The following GRIK4 variants were observed in gnomAD, a reference collection of about 807,000 sequenced individuals.
GRIK4 encodes the protein glutamate ionotropic receptor kainate type subunit 4.
A neutral mutation model predicts 104.9 loss-of-function variants in GRIK4; 40 were observed. The observed-to-expected ratio is 0.38, with a 90% CI of 0.30 to 0.50. The LOEUF (loss-of-function observed/expected upper bound fraction) is 0.50, where lower values mean the gene tolerates loss of function less well. Among genes scored for constraint, GRIK4 ranks in the 20% least tolerant of loss-of-function variants. The probability of loss-of-function intolerance (pLI) is 0.93; values close to 1 mark genes in which losing one functional copy is unlikely to be tolerated. For synonymous variants in GRIK4, 485 were observed against 524.9 expected (o/e 0.92, Z 1.04); for missense variants, 1,047 against 1,308.1 (o/e 0.80, Z 3.08).
intron 13 of GRIK4, among the ~76,000 whole-genome samples, chr11:120,922,721 G>A (rs569605382): frequency 6.6e-6 from 1 of 152,310 alleles, no homozygotes; most frequent in South Asian, 2.1e-4. Context: ...GCCAGGCCTG[G>A]CTTAGTTGTG....
chr11:120,542,374 G>A (rs571455111), intron 1 of GRIK4, among the ~76,000 whole-genome samples: 111 of 152,254 alleles, frequency 7.3e-4, no homozygotes, highest in Non-Finnish European at 1.3e-3. Context: ...TAGGGAAAAT[G>A]GTCCTTCACA....
At chr11:120,715,626 G>A (rs1950816282) in intron 3 of GRIK4, among the ~76,000 whole-genome samples, 2 of 151,974 alleles carry the variant, frequency 1.3e-5, no homozygotes, top group South Asian at 4.2e-4. Context: ...CACCTTCCCA[G>A]TCAGGTATGG....
At chr11:120,701,926 G>C (rs1481692130) in intron 3 of GRIK4, among the ~76,000 whole-genome samples, 2 of 149,668 alleles carry the variant, frequency 1.3e-5, no homozygotes, top group Non-Finnish European at 3.0e-5. Context: ...ATGTGTAAGA[G>C]AGACAGATCA....
chr11:120,623,079 G>A (rs1949209780), intron 1 of GRIK4, among the ~76,000 whole-genome samples: 1 of 152,056 alleles, frequency 6.6e-6, no homozygotes, highest in African/African-American at 2.4e-5. Flanking sequence ...TATTCTTTTT[G>A]CATCTCAAAT....
chr11:120,857,839 C>T (rs1310565590), intron 8 of GRIK4, among the ~76,000 whole-genome samples: 4 of 152,210 alleles, frequency 2.6e-5, no homozygotes, highest in Non-Finnish European at 5.9e-5. Flanking sequence ...CATATCTTTG[C>T]TTCCTGGAAA....
chr11:120,814,970 C>G (rs1394413949), intron 4 of GRIK4, among the ~76,000 whole-genome samples: 1 of 152,212 alleles, frequency 6.6e-6, no homozygotes, highest in Non-Finnish European at 1.5e-5. Context: ...CCCAGACTCT[C>G]TTTATATTTG....
intron 3 of GRIK4, among the ~76,000 whole-genome samples, chr11:120,682,621 C>T (rs1950214486): frequency 6.6e-6 from 1 of 150,710 alleles, no homozygotes. Context: ...ATCTGGCCAA[C>T]TCCTATTTAT....
chr11:120,647,652 G>A (rs1032886217), intron 1 of GRIK4, among the ~76,000 whole-genome samples: 2 of 152,268 alleles, frequency 1.3e-5, no homozygotes, highest in African/African-American at 4.8e-5. Flanking sequence ...GGGGCTCAGT[G>A]TGTGGCCCAC....
chr11:120,612,795 G>A (rs1949053717), intron 1 of GRIK4, among the ~76,000 whole-genome samples: 1 of 152,196 alleles, frequency 6.6e-6, no homozygotes, highest in Non-Finnish European at 1.5e-5. Flanking sequence ...TGTGACAGGA[G>A]AGTGCTCCCT....
intron 3 of GRIK4, among the ~76,000 whole-genome samples, chr11:120,696,785 A>T (rs941052776): frequency 1.3e-5 from 2 of 152,070 alleles, no homozygotes; most frequent in African/African-American, 2.4e-5. Flanking sequence ...ACCATTGCCA[A>T]TGGGAGCGCC....
At chr11:120,748,896 C>A (rs2135420402) in intron 3 of GRIK4, among the ~76,000 whole-genome samples, 1 of 152,310 alleles carries the variant, frequency 6.6e-6, no homozygotes, top group Non-Finnish European at 1.5e-5. Flanking sequence ...TCCTGGGTAG[C>A]TTTTCTAAGG....
At chr11:120,784,291 A>G (rs1443115736) in intron 3 of GRIK4, among the ~76,000 whole-genome samples, 1 of 152,200 alleles carries the variant, frequency 6.6e-6, no homozygotes, top group Non-Finnish European at 1.5e-5. Context: ...GATGATGACA[A>G]TGAATAAAAA....
intron 1 of GRIK4, among the ~76,000 whole-genome samples, chr11:120,557,639 C>T (rs184225778): frequency 5.3e-5 from 8 of 152,320 alleles, no homozygotes; most frequent in Non-Finnish European, 8.8e-5. Context: ...GCAGCATTCT[C>T]GTCTGAATCT....
chr11:120,614,951 A>C (rs1271596423), intron 1 of GRIK4, among the ~76,000 whole-genome samples: 1 of 152,220 alleles, frequency 6.6e-6, no homozygotes, highest in Admixed American at 6.5e-5. Context: ...GTGAGCTGAG[A>C]TCGCGCCACT....
chr11:120,897,516 C>A (rs1023023608), intron 11 of GRIK4, among the ~76,000 whole-genome samples: 26 of 142,190 alleles, frequency 1.8e-4, no homozygotes, highest in Middle Eastern at 3.8e-3. Flanking sequence ...CACCTGTAAT[C>A]CCAGCTACTC....
chr11:120,910,848 G>T (rs184457234), intron 13 of GRIK4, among the ~76,000 whole-genome samples: 1 of 152,310 alleles, frequency 6.6e-6, no homozygotes, highest in East Asian at 1.9e-4. Context: ...TGACACATGG[G>T]GAAGGACCCT....
intron 12 of GRIK4, among the ~76,000 whole-genome samples, 175 bp downstream of exon 12, chr11:120,898,814 T>C (rs1456028590): frequency 6.6e-6 from 1 of 152,126 alleles, no homozygotes; most frequent in Non-Finnish European, 1.5e-5. Flanking sequence ...TGATATTTGA[T>C]GAGTTCCAGA....
chr11:120,694,241 G>A (rs1307426761), intron 3 of GRIK4, among the ~76,000 whole-genome samples: 3 of 152,216 alleles, frequency 2.0e-5, no homozygotes, highest in African/African-American at 7.2e-5. Context: ...GAAGAGTGCA[G>A]TAGGGAAAAG....
intron 1 of GRIK4, among the ~76,000 whole-genome samples, chr11:120,536,838 A>C (rs753688976): frequency 6.6e-6 from 1 of 152,214 alleles, no homozygotes; most frequent in African/African-American, 2.4e-5. Context: ...CTAAAAAGTC[A>C]ATTACGTAAA....
Sources: allele counts gnomAD v4.1 joint callset (sites outside exome capture counted in the v4.1 genomes callset), GRCh38; gene constraint gnomAD v4.1.1; transcripts MANE v1.5; gene names NCBI Gene and HGNC (gene_info 2026-07-23, HGNC 2026-07-21).